FAM117B: variants seen among roughly 807,000 people sequenced by gnomAD.
The protein encoded by FAM117B is family with sequence similarity 117 member B, also known as protein FAM117B.
In FAM117B, 22 loss-of-function variants were observed where a neutral mutation model predicts 52.8. That is an observed-to-expected ratio of 0.42 (90% CI 0.30 to 0.59). The LOEUF (loss-of-function observed/expected upper bound fraction) is 0.59. FAM117B is among the 20% of genes least tolerant of loss of function. The probability of loss-of-function intolerance (pLI) is 0.22; values close to 1 mark genes in which losing one functional copy is unlikely to be tolerated. For missense variants in FAM117B, 678 were observed against 802.6 expected, an observed-to-expected ratio of 0.84 and a Z score of 1.88; for synonymous variants, 309 against 324.1, an observed-to-expected ratio of 0.95 and a Z score of 0.50.
intron 1 of FAM117B, among the ~76,000 whole-genome samples, chr2:202,648,526 C>CCT (rs1559093800): frequency 7.6e-6 from 1 of 131,654 alleles, no homozygotes; most frequent in Non-Finnish European, 1.6e-5. Flanking sequence ...CCACCCCCCC[C>CCT]CCAAAACAAA....
At chr2:202,737,563 G>C (rs940668564) in intron 4 of FAM117B, among the ~76,000 whole-genome samples, 3 of 151,986 alleles carry the variant, frequency 2.0e-5, no homozygotes, top group Non-Finnish European at 2.9e-5. Context: ...CAACGATAGT[G>C]CCCTTGCATT....
At chr2:202,725,935 A>C (rs763856195) in intron 3 of FAM117B, among the ~76,000 whole-genome samples, 6 of 152,234 alleles carry the variant, frequency 3.9e-5, no homozygotes, top group Non-Finnish European at 7.3e-5. Context: ...AAATTAACTT[A>C]TGGTAAAGGC....
intron 1 of FAM117B, among the ~76,000 whole-genome samples, chr2:202,650,593 A>G (rs1689941429): frequency 6.6e-6 from 1 of 152,166 alleles, no homozygotes. Context: ...GCTGTCTGCA[A>G]TCTGGGGAGC....
At chr2:202,740,041 C>T (rs1204833013) in intron 4 of FAM117B, among the ~76,000 whole-genome samples, 8 of 151,098 alleles carry the variant, frequency 5.3e-5, no homozygotes, top group Non-Finnish European at 7.4e-5. Flanking sequence ...GGCGTGGTGG[C>T]GGGCGCCTGT....
chr2:202,663,884 C>A (rs1357259342), intron 1 of FAM117B, among the ~76,000 whole-genome samples: 1 of 152,012 alleles, frequency 6.6e-6, no homozygotes, highest in Non-Finnish European at 1.5e-5. Context: ...GCGCCCAGCC[C>A]CATTAAGCTT....
intron 2 of FAM117B, among the ~76,000 whole-genome samples, chr2:202,709,194 AG>A (rs1290914449): frequency 6.7e-6 from 1 of 149,128 alleles, no homozygotes; most frequent in Non-Finnish European, 1.5e-5. Context: ...TTTTTCCCCA[AG>A]TCCTTAGACC....
At chr2:202,691,649 T>TTGTGTGTGTGTGTGTATGTGTGTG (rs1360538629) in intron 1 of FAM117B, among the ~76,000 whole-genome samples, 2 of 126,810 alleles carry the variant, frequency 1.6e-5, no homozygotes, top group Non-Finnish European at 3.4e-5. Flanking sequence ...CCAGTTTACA[T>TTGTGTGTGTGTGTGTATGTGTGTG]TGTGTGTGTG....
At chr2:202,714,910 G>T (rs1265259275) in intron 2 of FAM117B, among the ~76,000 whole-genome samples, 2 of 152,028 alleles carry the variant, frequency 1.3e-5, no homozygotes, top group Non-Finnish European at 2.9e-5. Context: ...AGAACAAAAT[G>T]AAAAGTCTCC....
chr2:202,668,150 ATATATAAT>A (rs1240016044), intron 1 of FAM117B, among the ~76,000 whole-genome samples: 1 of 140,206 alleles, frequency 7.1e-6, no homozygotes, highest in Non-Finnish European at 1.5e-5. Flanking sequence ...AAATATATAA[ATATATAAT>A]TATATAATAC....
chr2:202,640,295 A>T (rs7588207), intron 1 of FAM117B, among the ~76,000 whole-genome samples: 5,047 of 50,878 alleles, frequency 0.099, 646 homozygotes, highest in Middle Eastern at 0.17. Context: ...ACCACCACAA[A>T]ATATATATAT....
At chr2:202,707,194 A>C (rs1574563551) in intron 2 of FAM117B, among the ~76,000 whole-genome samples, 2 of 150,812 alleles carry the variant, frequency 1.3e-5, no homozygotes, top group Non-Finnish European at 1.5e-5. Flanking sequence ...GGTGCATGCC[A>C]CCACACCTGG....
intron 2 of FAM117B, among the ~76,000 whole-genome samples, chr2:202,704,214 CAT>C (rs1181087877): frequency 2.0e-5 from 3 of 152,154 alleles, no homozygotes; most frequent in East Asian, 3.8e-4. Flanking sequence ...ATAAAGAAAA[CAT>C]ATAAAACTCT....
chr2:202,660,025 T>C (rs979852350), intron 1 of FAM117B, among the ~76,000 whole-genome samples: 1 of 152,132 alleles, frequency 6.6e-6, no homozygotes, highest in Non-Finnish European at 1.5e-5. Flanking sequence ...TGTCACATTC[T>C]GTTATTCAGT....
At chr2:202,711,814 G>A (rs1000530877) in intron 2 of FAM117B, among the ~76,000 whole-genome samples, 36 of 152,044 alleles carry the variant, frequency 2.4e-4, no homozygotes, top group African/African-American at 8.7e-4. Context: ...CTTTCCCCAT[G>A]TATGTTCTTG....
At position 202,765,577 on chromosome 2, in the gene FAM117B, C is replaced by T. The variant is rs1351841061; in HGVS notation, c.1583C>T (p.Thr528Ile). 3 of 1,614,024 alleles carry T rather than the reference C, an allele frequency of 1.9e-6. No homozygotes were observed. The highest frequency in any genetic ancestry group is 1.3e-5 in the African/African-American group (1 of 74,906). ...CCACTCCTTCCTACCCCGGATCTTA[C>T]ACTCAAGGGCTCTGGCCACAGCCTG... ...LKPLLPTPDL[T>I]LKGSGHSLTV... The change falls in exon 8 of 8, where the codon ACA becomes ATA. Residue 528 changes from threonine to isoleucine, a missense_variant. By Grantham distance (89) the Thr-to-Ile change is moderately conservative (BLOSUM62 -1). Transcript: ENST00000392238.
intron 4 of FAM117B, among the ~76,000 whole-genome samples, chr2:202,731,362 T>TATATAC (rs1691345559): frequency 7.6e-6 from 1 of 131,358 alleles, no homozygotes; most frequent in Admixed American, 7.9e-5. Context: ...TATATATATA[T>TATATAC]ATATATGGAG....
In FAM117B at chr2:202,757,214, C is replaced by T. The variant is rs142039792; in HGVS notation, c.1106C>T (p.Pro369Leu). Residue 369 changes from proline to leucine, a missense_variant and splice_region_variant, in exon 6 of 8, where the codon CCG (proline) becomes CTG (leucine). Pro to Leu is a moderately conservative substitution (Grantham distance 98). Around this residue, in one of 3 missense-constraint regions of FAM117B, gnomAD observed 583 missense variants for 644.8 expected, o/e 0.90. Transcript: ENST00000392238. ...ETGEKEEQLI[P>L]QDIPDGHRAP... is the part of the protein sequence containing the mutation. ...TATGTTTTTACAATTTTGTAACAGC[C>T]GCAAGATATTCCAGATGGCCATCGT... is the stretch of plus-strand genomic sequence containing the variant. 2.9e-4 allele frequency: 460 copies of T among 1,613,552 alleles called. 1 individual carries two copies. The highest frequency in any genetic ancestry group is 3.7e-4 in the Admixed American group (22 of 59,936).
chr2:202,705,753 C>T (rs769466333), intron 2 of FAM117B, among the ~76,000 whole-genome samples: 18 of 152,152 alleles, frequency 1.2e-4, no homozygotes, highest in Middle Eastern at 3.2e-3. Context: ...CATTAGCTAC[C>T]TATGTGGCAA....
rs567543024 is a variant in FAM117B at position 202,681,590 on chromosome 2, A to T, written c.602-14291A>T. Among the ~76,000 whole-genome samples, 26 of 152,370 alleles carry T rather than the reference A, an allele frequency of 1.7e-4. No individual in the cohort carries two copies. In the South Asian group the frequency reaches 5.4e-3, roughly 32 times the overall value. ...CAAGGGGGTTAATTTATCAATTGTAAGAGTGTTTGCATCGAATAGGAAAAA... is the reference window on the plus strand; with the variant it reads ...CAAGGGGGTTAATTTATCAATTGTATGAGTGTTTGCATCGAATAGGAAAAA... On this transcript the variant is annotated intron_variant, in intron 1 of 7. Transcript: ENST00000392238.
Sources: allele counts gnomAD v4.1 joint callset (sites outside exome capture counted in the v4.1 genomes callset), GRCh38; gene constraint gnomAD v4.1.1; regional missense constraint gnomAD v4.1.1; transcripts MANE v1.5; gene names NCBI Gene and HGNC (gene_info 2026-07-23, HGNC 2026-07-21).